MALRD1: variants seen among roughly 807,000 people sequenced by gnomAD.
The protein encoded by MALRD1 is MAM and LDL receptor class A domain containing 1.
A neutral mutation model predicts 242.1 loss-of-function variants in MALRD1; 247 were observed. The observed-to-expected ratio is 1.02, with a 90% CI of 0.92 to 1.13. The LOEUF (loss-of-function observed/expected upper bound fraction) is 1.13. Ranked by LOEUF, MALRD1 falls within the 50% of genes most tolerant of loss-of-function variation. MALRD1 has a pLI of 0.00. For synonymous variants in MALRD1, 995 were observed against 866.6 expected (o/e 1.15, Z -2.60); for missense variants, 2,989 against 2,533.1 (o/e 1.18, Z -3.86).
intron 12 of MALRD1, among the ~76,000 whole-genome samples, chr10:19,157,542 C>A (rs1834212550): frequency 6.6e-6 from 1 of 152,084 alleles, no homozygotes; most frequent in East Asian, 1.9e-4. Context: ...CCACCGCACC[C>A]AGTCGATATT....
intron 36 of MALRD1, among the ~76,000 whole-genome samples, chr10:19,674,398 G>C (rs554963537): frequency 6.6e-6 from 1 of 152,242 alleles, no homozygotes; most frequent in African/African-American, 2.4e-5. Flanking sequence ...TCCTGTTTTA[G>C]TTGAGCAAGT....
chr10:19,566,069 A>G (rs1187965266), intron 32 of MALRD1, among the ~76,000 whole-genome samples: 1 of 152,060 alleles, frequency 6.6e-6, no homozygotes, highest in Non-Finnish European at 1.5e-5. Flanking sequence ...TGACAATTTA[A>G]TATCATAAAA....
chr10:19,660,568 C>G (rs1367385886), intron 36 of MALRD1, among the ~76,000 whole-genome samples: 1 of 152,132 alleles, frequency 6.6e-6, no homozygotes. Context: ...TATGCACTAC[C>G]TTCACCTTTC....
intron 36 of MALRD1, among the ~76,000 whole-genome samples, chr10:19,669,631 G>A (rs1263502592): frequency 6.6e-6 from 1 of 152,050 alleles, no homozygotes; most frequent in Non-Finnish European, 1.5e-5. Context: ...TTAGGAATTA[G>A]CCATAAAGCC....
chr10:19,456,805 G>A (rs377452706), intron 29 of MALRD1, among the ~76,000 whole-genome samples: 2 of 140,216 alleles, frequency 1.4e-5, no homozygotes, highest in East Asian at 4.3e-4. Flanking sequence ...ACAGAGTCTC[G>A]CTCTGTCGCC....
At chr10:19,213,746 G>A (rs1837177601) in intron 18 of MALRD1, among the ~76,000 whole-genome samples, 1 of 152,088 alleles carries the variant, frequency 6.6e-6, no homozygotes, top group South Asian at 2.1e-4. Flanking sequence ...CAGATATGGT[G>A]ACTTTTATCT....
chr10:19,209,380 G>T lies in MALRD1; in HGVS notation c.2691G>T (p.Gly897=). The change falls in exon 18 of 40, where the codon GGG becomes GGT. Residue 897 remains glycine (G), a synonymous_variant. Transcript: ENST00000454679. ...SQGPTPTLNT[G]PMKDNTLGTA... is the part of the protein sequence containing the mutation. ...GTCCAACTCCAACACTTAACACAGG[G>T]CCAATGAAAGATAACACTCTGGGCA... 6.4e-7 allele frequency: 1 copy of T among 1,550,932 alleles called. No homozygotes were observed. Among genetic ancestry groups the T allele is most frequent in the Non-Finnish European group, 8.7e-7 (1 of 1,147,074 alleles).
chr10:19,454,239 A>G (rs1259542956), intron 29 of MALRD1, among the ~76,000 whole-genome samples: 1 of 151,800 alleles, frequency 6.6e-6, no homozygotes, highest in Non-Finnish European at 1.5e-5. Context: ...CAAAAGTACA[A>G]ACTAATAGGA....
At chr10:19,074,754 G>T (rs541279357) in intron 2 of MALRD1, among the ~76,000 whole-genome samples, 1 of 151,906 alleles carries the variant, frequency 6.6e-6, no homozygotes, top group African/African-American at 2.4e-5. Context: ...TGCATCATTT[G>T]CTTTTCATTT....
At chr10:19,055,451 G>A (rs762805224) in intron 1 of MALRD1, among the ~76,000 whole-genome samples, 1 of 151,998 alleles carries the variant, frequency 6.6e-6, no homozygotes, top group Admixed American at 6.6e-5. Context: ...GGGCTTTTGG[G>A]GACATAGCCA....
At chr10:19,557,610 CTCTAT>C (rs2131426170) in intron 32 of MALRD1, among the ~76,000 whole-genome samples, 1 of 152,126 alleles carries the variant, frequency 6.6e-6, no homozygotes, top group East Asian at 1.9e-4. Context: ...TTTCTGGGCT[CTCTAT>C]TCTATTCCAT....
chr10:19,105,968 G>T (rs1836447869), intron 5 of MALRD1, among the ~76,000 whole-genome samples: 1 of 151,858 alleles, frequency 6.6e-6, no homozygotes, highest in African/African-American at 2.4e-5. Context: ...CCTGTAGGTT[G>T]TCTCTTCACT....
chr10:19,418,329 A>G (rs1268775217), intron 28 of MALRD1, among the ~76,000 whole-genome samples: 1 of 152,170 alleles, frequency 6.6e-6, no homozygotes, highest in East Asian at 1.9e-4. Flanking sequence ...TAAGATTTTA[A>G]ACTAAAAATA....
At chr10:19,484,406 T>C (rs771891114) in intron 29 of MALRD1, among the ~76,000 whole-genome samples, 52 of 152,214 alleles carry the variant, frequency 3.4e-4, no homozygotes, top group Middle Eastern at 3.2e-3. Flanking sequence ...AGAGTGCATG[T>C]GTCAGTTTTC....
chr10:19,052,760 C>T (rs889365678), intron 1 of MALRD1, among the ~76,000 whole-genome samples: 5 of 152,112 alleles, frequency 3.3e-5, no homozygotes, highest in South Asian at 2.1e-4. Context: ...ATCCTGTTCC[C>T]GTGCTCCTCT....
chr10:19,571,948 T>C (rs1836567990), intron 33 of MALRD1, among the ~76,000 whole-genome samples: 1 of 152,172 alleles, frequency 6.6e-6, no homozygotes, highest in Non-Finnish European at 1.5e-5. Context: ...TGGCAAACTC[T>C]CAACTTCATT....
intron 2 of MALRD1, among the ~76,000 whole-genome samples, chr10:19,083,888 T>A (rs1316568300): frequency 3.3e-5 from 5 of 151,994 alleles, no homozygotes; most frequent in African/African-American, 1.2e-4. Flanking sequence ...ATTTCCAGAG[T>A]TCCAGACAAG....
At chr10:19,484,249 T>C (rs1837144811) in intron 29 of MALRD1, among the ~76,000 whole-genome samples, 1 of 152,322 alleles carries the variant, frequency 6.6e-6, no homozygotes, top group South Asian at 2.1e-4. Flanking sequence ...GACAAACCTG[T>C]GCCATGTGCC....
chr10:19,294,450 A>G (rs1212096158), intron 21 of MALRD1, among the ~76,000 whole-genome samples: 1 of 152,214 alleles, frequency 6.6e-6, no homozygotes, highest in Non-Finnish European at 1.5e-5. Context: ...CTCAAATCAA[A>G]CATTTTTATT....
Sources: gnomAD v4.1 joint callset for allele counts (sites outside exome capture counted in the v4.1 genomes callset) on GRCh38, gnomAD v4.1.1 for gene constraint, MANE v1.5 for transcripts, NCBI Gene and HGNC (gene_info 2026-07-23, HGNC 2026-07-21) for gene names.